Variants in ACBD3 observed in about 807,000 individuals in gnomAD.
ACBD3 encodes the protein acyl-CoA binding domain containing 3.
In ACBD3, 30 loss-of-function variants were observed where a neutral mutation model predicts 66.9. That is an observed-to-expected ratio of 0.45 (90% CI 0.34 to 0.61). The LOEUF is 0.61. ACBD3 is among the 20% of genes least tolerant of loss of function. The pLI, the probability that ACBD3 is intolerant of heterozygous loss-of-function variation, is 0.02. For missense variants in ACBD3, 544 were observed against 664.5 expected, an observed-to-expected ratio of 0.82 and a Z score of 1.99; for synonymous variants, 278 against 259.8, an observed-to-expected ratio of 1.07 and a Z score of -0.68.
chr1:226,186,453 GCCGCCGCGCCTCCT>G lies in ACBD3; in HGVS notation c.209_222del (p.Glu70AlafsTer33). ...AGGCCGAAACCCCAGCGCTGCTCCAGCCGCCGCGCCTCCTCCGCCGCGCCCCCAGCCGCCGCCTC... is the reference window on the plus strand; with the variant it reads ...AGGCCGAAACCCCAGCGCTGCTCCAGCCGCCGCGCCCCCAGCCGCCGCCTC... On this transcript the variant is annotated frameshift_variant, in exon 1 of 8. Coordinates refer to ENST00000366812, the MANE Select transcript of ACBD3 (RefSeq NM_022735.4). LOFTEE classifies it high-confidence loss of function. The G allele has an allele frequency of 1.3e-6, 2 of 1,506,894 alleles. No homozygotes were observed. The highest frequency in any genetic ancestry group is 4.3e-5 in the Admixed American group (2 of 46,018). 93.3% of individuals were successfully genotyped at this position (1,506,894 alleles called of 1,614,324 possible). A position where few individuals can be genotyped will look rare whatever the true frequency, so the allele number is the denominator to read the frequency against.
chr1:226,163,907 G>A (rs1320941360), intron 3 of ACBD3, among the ~76,000 whole-genome samples: 1 of 151,918 alleles, frequency 6.6e-6, no homozygotes. Flanking sequence ...GATCACCTGA[G>A]GTCAGGAGTT....
At chr1:226,156,948 T>C (rs2102778035) in intron 5 of ACBD3, among the ~76,000 whole-genome samples, 1 of 152,294 alleles carries the variant, frequency 6.6e-6, no homozygotes, top group East Asian at 1.9e-4. Context: ...CCCCCGACCA[T>C]GAATCTATTG....
intron 5 of ACBD3, among the ~76,000 whole-genome samples, chr1:226,155,663 G>A (rs1474669187): frequency 2.6e-5 from 4 of 151,750 alleles, no homozygotes; most frequent in Non-Finnish European, 4.4e-5. Context: ...AATCAAATAT[G>A]GACAATTTAT....
rs750315321 is a variant in ACBD3 at position 226,152,580 on chromosome 1, C to T, written c.1130G>A (p.Arg377Gln). ...CTCTTTGAAGTCTTTGATCTGAGGT[C>T]GTGTCCACATGGATGGAGCTGCTAT... is the stretch of plus-strand genomic sequence containing the variant. ...PVIAAPSMWTRPQIKDFKEKI... is the reference protein window; with the variant it reads ...PVIAAPSMWTQPQIKDFKEKI... The change falls in exon 7 of 8, where the codon CGA (arginine) becomes CAA (glutamine). Residue 377 changes from arginine (R) to glutamine (Q), a missense_variant. Arg to Gln is a conservative substitution (Grantham distance 43). Transcript: ENST00000366812. 3.7e-6 allele frequency: 6 copies of T among 1,613,972 alleles called. No homozygotes were observed. Among genetic ancestry groups the T allele is most frequent in the Middle Eastern group, 1.6e-4 (1 of 6,084 alleles).
rs368713719 is a variant in ACBD3, at chr1:226,146,566, C to T, written c.*44G>A. 7 of 1,534,226 alleles carry T rather than the reference C, an allele frequency of 4.6e-6. No homozygotes were observed. Among genetic ancestry groups the T allele is most frequent in the South Asian group, 1.1e-5 (1 of 87,480 alleles). ...AAAAAGAAATTTCCAAATTAAATGT[C>T]ATCTTCTGCCCAACCCTAGACTCCA... is the stretch of plus-strand genomic sequence containing the variant. On this transcript the variant is annotated 3_prime_UTR_variant, in exon 8 of 8. Coordinates refer to ENST00000366812, the MANE Select transcript of ACBD3 (RefSeq NM_022735.4).
At chr1:226,170,451 G>C (rs548080067) in intron 1 of ACBD3, among the ~76,000 whole-genome samples, 14 of 148,468 alleles carry the variant, frequency 9.4e-5, no homozygotes, top group Non-Finnish European at 1.8e-4. Flanking sequence ...TGAGATTACA[G>C]ACGTGAGCCA....
intron 7 of ACBD3, among the ~76,000 whole-genome samples, chr1:226,150,591 C>T (rs1273135471): frequency 2.0e-5 from 3 of 152,168 alleles, no homozygotes; most frequent in Non-Finnish European, 4.4e-5. Flanking sequence ...GTTGGCCAGA[C>T]TGGTCTCGAA....
intron 7 of ACBD3, among the ~76,000 whole-genome samples, chr1:226,151,464 A>C (rs1377994780): frequency 6.6e-6 from 1 of 152,212 alleles, no homozygotes; most frequent in Non-Finnish European, 1.5e-5. Context: ...TCTTAGACCA[A>C]GATATTTTAG....
intron 5 of ACBD3, among the ~76,000 whole-genome samples, chr1:226,157,242 A>AT (rs34096327): frequency 0.99 from 144,321 of 145,718 alleles, 71,468 homozygotes; most frequent in East Asian, 1. Flanking sequence ...TCAATTATGG[A>AT]TTTTTTTTTT....
At chr1:226,161,941 T>C (rs970336829) in intron 3 of ACBD3, among the ~76,000 whole-genome samples, 12 of 152,204 alleles carry the variant, frequency 7.9e-5, no homozygotes, top group Non-Finnish European at 1.6e-4. Flanking sequence ...CTTAAGTCAT[T>C]ATGATATTCC....
At position 226,145,663 on chromosome 1, in the gene ACBD3, T is replaced by C. The variant is rs41314288; in HGVS notation, c.*947A>G. ...TAAGTAGTAACAAATTAAAAGAAAA[T>C]AGACTGTCTCTGGCAGTGATTTCCA... On this transcript the variant is annotated 3_prime_UTR_variant, in exon 8 of 8. Coordinates refer to ENST00000366812, the MANE Select transcript of ACBD3 (RefSeq NM_022735.4). 12 of 152,650 alleles carry C rather than the reference T, an allele frequency of 7.9e-5. No individual in the cohort carries two copies. The highest frequency in any genetic ancestry group is 1.3e-4 in the Admixed American group (2 of 15,294). 9.5% of individuals were successfully genotyped at this position (152,650 alleles called of 1,614,324 possible).
At position 226,146,570 on chromosome 1, in the gene ACBD3, T is replaced by A; in HGVS notation, c.*40A>T. On this transcript the variant is annotated 3_prime_UTR_variant, in exon 8 of 8. Transcript: ENST00000366812. ...AGAAATTTCCAAATTAAATGTCATC[T>A]TCTGCCCAACCCTAGACTCCAGACT... 6.4e-7 allele frequency: 1 copy of A among 1,555,628 alleles called. No individual in the cohort carries two copies. The highest frequency in any genetic ancestry group is 1.1e-5 in the South Asian group (1 of 88,262).
intron 6 of ACBD3, among the ~76,000 whole-genome samples, chr1:226,153,655 CCTT>C (rs1659618469): frequency 6.6e-6 from 1 of 152,168 alleles, no homozygotes; most frequent in African/African-American, 2.4e-5. Context: ...ACTCAGGAAA[CCTT>C]CAACTAATTG....
rs57478575 is a variant in ACBD3 at position 226,155,289 on chromosome 1, C to T, written c.904-456G>A. Among the ~76,000 whole-genome samples, 620 of 152,016 alleles carry T rather than the reference C, an allele frequency of 4.1e-3. 6 individuals are homozygous for T. The highest frequency in any genetic ancestry group is 0.014 in the African/African-American group (583 of 41,464). The stretch of plus-strand genomic sequence containing the variant: ...AAAATTAGCTGGGCATGGCAGCACA[C>T]GCCTGTAATCCCAGCTACTTGGGAG... On this transcript the variant is annotated intron_variant, in intron 5 of 7. Transcript: ENST00000366812.
intron 7 of ACBD3, among the ~76,000 whole-genome samples, chr1:226,151,215 C>T (rs1659566339): frequency 6.6e-6 from 1 of 152,106 alleles, no homozygotes; most frequent in Non-Finnish European, 1.5e-5. Flanking sequence ...CATTGCCAAC[C>T]CTCTTCAAGA....
intron 1 of ACBD3, among the ~76,000 whole-genome samples, chr1:226,168,829 T>G (rs1001753672): frequency 1.2e-4 from 18 of 152,168 alleles, no homozygotes; most frequent in African/African-American, 4.1e-4. Flanking sequence ...TCACAGGTAA[T>G]TATTAGAGAA....
intron 1 of ACBD3, among the ~76,000 whole-genome samples, chr1:226,171,085 CTCTT>C (rs1659985030): frequency 6.6e-6 from 1 of 151,234 alleles, no homozygotes; most frequent in Non-Finnish European, 1.5e-5. Context: ...GCCAACTTGT[CTCTT>C]TATTTCAAGC....
At chr1:226,167,816 A>T (rs1659904011) in intron 1 of ACBD3, among the ~76,000 whole-genome samples, 1 of 152,210 alleles carries the variant, frequency 6.6e-6, no homozygotes, top group South Asian at 2.1e-4. Flanking sequence ...GCCAATAAAC[A>T]TCCAAAAAGA....
chr1:226,149,529 C>CTTTTTTTTTTTTTTTTTTT lies in ACBD3; in HGVS notation c.1376-2727_1376-2709dup, dbSNP rs1170130229. On this transcript the variant is annotated intron_variant, in intron 7 of 7. Transcript: ENST00000366812. ...GGTGTCAGCCACTGCGCCCAGCCATCTTTTTTTTTTTTTTTTTTTTTTTTT... is the reference window on the plus strand; with the variant it reads ...GGTGTCAGCCACTGCGCCCAGCCATCTTTTTTTTTTTTTTTTTTTTTTTTTTTTTTTTTTTTTTTTTTTT... Among the ~76,000 whole-genome samples, 8 of 29,612 alleles carry CTTTTTTTTTTTTTTTTTTT rather than the reference C, an allele frequency of 2.7e-4. 1 individual carries two copies. The highest frequency in any genetic ancestry group is 3.2e-4 in the African/African-American group (2 of 6,338). 19.4% of individuals were successfully genotyped at this position (29,612 alleles called of 152,430 possible). A position where few individuals can be genotyped will look rare whatever the true frequency, so the allele number is the denominator to read the frequency against.
Sources: gnomAD v4.1 joint callset for allele counts (sites outside exome capture counted in the v4.1 genomes callset) on GRCh38, gnomAD v4.1.1 for gene constraint, MANE v1.5 for transcripts, NCBI Gene and HGNC (gene_info 2026-07-23, HGNC 2026-07-21) for gene names.